Variants in ZNF492 observed in about 807,000 individuals in gnomAD.
ZNF492 encodes zinc finger protein 492.
ZNF492 carries 3 observed loss-of-function variants against 6.4 expected under a neutral mutation model. That is an observed-to-expected ratio of 0.47 (90% CI 0.21 to 1.22). The LOEUF (loss-of-function observed/expected upper bound fraction) is 1.22. Among genes scored for constraint, ZNF492 ranks in the 50% most tolerant of loss-of-function variants. The pLI, the probability that ZNF492 is intolerant of heterozygous loss-of-function variation, is 0.22. For missense variants in ZNF492, 356 were observed against 612.5 expected (o/e 0.58, Z 4.42); for synonymous variants, 112 against 205.3 (o/e 0.55, Z 3.89).
intron 1 of ZNF492, among the ~76,000 whole-genome samples, chr19:22,649,216 G>C (rs376707383): frequency 1.6e-4 from 25 of 152,190 alleles, no homozygotes; most frequent in East Asian, 9.7e-4. Context: ...ATAAAATTCT[G>C]GGTTCAAAAT....
intron 1 of ZNF492, among the ~76,000 whole-genome samples, chr19:22,644,253 T>C (rs927505885): frequency 6.6e-6 from 1 of 152,174 alleles, no homozygotes; most frequent in African/African-American, 2.4e-5. Context: ...TGAATACTTA[T>C]TTTATTTTTA....
chr19:22,662,674 C>T (rs985527151), intron 3 of ZNF492, among the ~76,000 whole-genome samples: 12 of 151,514 alleles, frequency 7.9e-5, no homozygotes, highest in African/African-American at 2.4e-4. Flanking sequence ...TTGCATTTCT[C>T]GGATGGCCAG....
intron 1 of ZNF492, among the ~76,000 whole-genome samples, chr19:22,634,849 G>T (rs1971744391): frequency 6.6e-6 from 1 of 152,144 alleles, no homozygotes; most frequent in Non-Finnish European, 1.5e-5. Context: ...GGTTTATGGG[G>T]TTCCTAGTTC....
At chr19:22,656,152 A>T (rs1301076168) in intron 3 of ZNF492, among the ~76,000 whole-genome samples, 1 of 145,672 alleles carries the variant, frequency 6.9e-6, no homozygotes, top group Non-Finnish European at 1.5e-5. Flanking sequence ...TTGGTTTCAG[A>T]AAGTGAAGAT....
intron 1 of ZNF492, among the ~76,000 whole-genome samples, chr19:22,641,040 T>C (rs1971821097): frequency 6.6e-6 from 1 of 152,172 alleles, no homozygotes; most frequent in Non-Finnish European, 1.5e-5. Context: ...TTTATTTTTA[T>C]GTTTTTAAAA....
chr19:22,657,874 A>C (rs1972013074), intron 3 of ZNF492, among the ~76,000 whole-genome samples: 1 of 151,984 alleles, frequency 6.6e-6, no homozygotes. Context: ...GGTTATGGCT[A>C]ATCTTGTATA....
intron 1 of ZNF492, among the ~76,000 whole-genome samples, chr19:22,648,846 TC>T (rs773746492): frequency 2.4e-4 from 36 of 152,250 alleles, no homozygotes; most frequent in Non-Finnish European, 4.3e-4. Context: ...GAGATGGGTC[TC>T]CTGAATACAG....
chr19:22,657,169 T>C (rs574685656), intron 3 of ZNF492, among the ~76,000 whole-genome samples: 3 of 152,242 alleles, frequency 2.0e-5, no homozygotes, highest in East Asian at 3.9e-4. Flanking sequence ...GTGAATTAGG[T>C]AATTAGTAGA....
intron 1 of ZNF492, among the ~76,000 whole-genome samples, chr19:22,634,751 TC>T (rs1230152846): frequency 8.5e-5 from 13 of 152,114 alleles, no homozygotes; most frequent in African/African-American, 2.9e-4. Flanking sequence ...GTCGTGTCTC[TC>T]CCAGATTGTG....
rs775391375 is a variant in ZNF492 at position 22,665,022 on chromosome 19, T to A, written c.1353T>A (p.Tyr451Ter). The A allele has an allele frequency of 1.4e-5, 22 of 1,583,452 alleles. 2 individuals carry two copies. The Admixed American group carries it at 3.7e-4, about 27-fold the overall frequency. Residue 451 changes from tyrosine (Y) to a stop codon, truncating the protein, a stop_gained, in exon 4 of 4, where the codon TAT becomes TAA. Coordinates refer to ENST00000456783, the MANE Select transcript of ZNF492 (RefSeq NM_020855.3). LOFTEE classifies it low-confidence loss of function (END_TRUNC). The stretch of plus-strand genomic sequence containing the variant: ...ATACTGGAGAGAAGCCCTACAAATA[T>A]GAAGAATGTGGCAAAGCTTTTAACC... Reference protein sequence around the residue: ...VIHTGEKPYKYEECGKAFNQS... With the variant: ...VIHTGEKPYK
rs1349138612 is a variant in ZNF492, at chr19:22,667,479, A to G, written c.*2214A>G. On this transcript the variant is annotated 3_prime_UTR_variant, in exon 4 of 4. Transcript: ENST00000456783. Reference sequence around the variant, plus strand: ...GAGGCATACAATATGTAATAATCACATTAGGGTAAATGAGGTATCCATCAC... The same window carrying G: ...GAGGCATACAATATGTAATAATCACGTTAGGGTAAATGAGGTATCCATCAC... The G allele has an allele frequency of 6.6e-6, 1 of 152,086 alleles. No homozygotes were observed. The highest frequency in any genetic ancestry group is 1.9e-4 in the East Asian group (1 of 5,194). 9.4% of individuals were successfully genotyped at this position (152,086 alleles called of 1,614,324 possible). A position where few individuals can be genotyped will look rare whatever the true frequency, so the allele number is the denominator to read the frequency against.
chr19:22,640,710 G>A (rs1971817834), intron 1 of ZNF492, among the ~76,000 whole-genome samples: 1 of 152,136 alleles, frequency 6.6e-6, no homozygotes, highest in Admixed American at 6.5e-5. Flanking sequence ...GCTGTCCTTT[G>A]TCCATCTACT....
intron 3 of ZNF492, among the ~76,000 whole-genome samples, chr19:22,659,664 GTTGT>G (rs1972036645): frequency 7.9e-6 from 1 of 126,932 alleles, no homozygotes; most frequent in East Asian, 2.4e-4. Flanking sequence ...GTTTTTTTTT[GTTGT>G]TTTTTTTTTT....
At chr19:22,642,089 G>A (rs528472887) in intron 1 of ZNF492, among the ~76,000 whole-genome samples, 4 of 152,156 alleles carry the variant, frequency 2.6e-5, no homozygotes, top group African/African-American at 7.2e-5. Flanking sequence ...CAGCGCGCCC[G>A]GCCACGCCCC....
At chr19:22,660,696 G>A (rs187807161) in intron 3 of ZNF492, among the ~76,000 whole-genome samples, 152 of 149,186 alleles carry the variant, frequency 1.0e-3, no homozygotes, top group African/African-American at 3.6e-3. Flanking sequence ...TTTTATGTAT[G>A]TGCATATCTT....
At chr19:22,647,386 A>C (rs1472680060) in intron 1 of ZNF492, among the ~76,000 whole-genome samples, 1 of 145,832 alleles carries the variant, frequency 6.9e-6, no homozygotes, top group Non-Finnish European at 1.5e-5. Context: ...CATCCCAAGT[A>C]GCCTGGATTA....
chr19:22,651,373 C>CT (rs898066798), intron 1 of ZNF492, among the ~76,000 whole-genome samples: 14 of 151,890 alleles, frequency 9.2e-5, no homozygotes, highest in South Asian at 2.1e-4. Context: ...TAAAAAATGG[C>CT]TTTTTTTTCT....
At chr19:22,663,741 G>A in intron 3 of ZNF492, 59 bp from the exon 4 acceptor site, 1 of 1,412,314 alleles carries the variant, frequency 7.1e-7, no homozygotes, top group South Asian at 1.7e-5. Flanking sequence ...GGTTAGATTT[G>A]TAAAGTACAT....
intron 1 of ZNF492, among the ~76,000 whole-genome samples, chr19:22,647,709 T>G (rs1390658113): frequency 6.6e-6 from 1 of 150,664 alleles, no homozygotes; most frequent in Non-Finnish European, 1.5e-5. Flanking sequence ...TGTTTGCTCT[T>G]GCTTTCTAGC....
Sources: allele counts gnomAD v4.1 joint callset (sites outside exome capture counted in the v4.1 genomes callset), GRCh38; gene constraint gnomAD v4.1.1; transcripts MANE v1.5; gene names NCBI Gene and HGNC (gene_info 2026-07-23, HGNC 2026-07-21).